The following FGFR2 variants were observed in gnomAD, a reference collection of about 807,000 sequenced individuals.
FGFR2 encodes the protein fibroblast growth factor receptor 2.
FGFR2 carries 19 observed loss-of-function variants against 95.9 expected under a neutral mutation model. The observed-to-expected ratio is 0.20, with a 90% confidence interval of 0.14 to 0.29. FGFR2 has a LOEUF of 0.29. FGFR2 is among the 10% of genes least tolerant of loss of function. The probability of loss-of-function intolerance (pLI) is 1.00; values close to 1 mark genes in which losing one functional copy is unlikely to be tolerated. For synonymous variants in FGFR2, 392 were observed against 393.3 expected (o/e 1.00, Z 0.04); for missense variants, 707 against 1,056.9 (o/e 0.67, Z 4.59).
Position 121,487,419 on chromosome 10 carries a change from C to A in FGFR2, c.1992G>T (p.Arg664=), listed in dbSNP as rs748763422. Reference sequence around the variant, plus strand: ...CTGGAGCCATCCACTTGACTGGAAGCCGCCCCTGCAAATGTAGAGGAAAAT... The same window carrying A: ...CTGGAGCCATCCACTTGACTGGAAGACGCCCCTGCAAATGTAGAGGAAAAT... ...IDYYKKTTNG[R]LPVKWMAPEA... The change falls in exon 15 of 18, where the codon CGG becomes CGT. Residue 664 remains arginine, a synonymous_variant. Transcript: ENST00000358487. The A allele has an allele frequency of 6.2e-7, 1 of 1,614,000 alleles. No homozygotes were observed. The highest frequency in any genetic ancestry group is 8.5e-7 in the Non-Finnish European group (1 of 1,179,876).
In FGFR2 at chr10:121,517,562, G is replaced by T; in HGVS notation, c.940-99C>A. ...AGGCGTCGCACCGGGGGCTTCAGGG[G>T]GTGCTGGCCACTGGGAGATTCCGAC... On this transcript the variant is annotated intron_variant, in intron 7 of 17. Coordinates refer to ENST00000358487, the MANE Select transcript of FGFR2 (RefSeq NM_000141.5). This position sits in a 1 kb window ranked among gnomAD's most constrained non-coding sequence, Gnocchi z 4.7. 4.2e-6 allele frequency: 6 copies of T among 1,428,526 alleles called. No homozygotes were observed. The highest frequency in any genetic ancestry group is 5.9e-6 in the Non-Finnish European group (6 of 1,024,872). The allele number at this position is 1,428,526 out of a possible 1,614,324, so 88.5% of individuals were successfully genotyped here. A position where few individuals can be genotyped will look rare whatever the true frequency, so the allele number is the denominator to read the frequency against.
rs60584824 is a variant in FGFR2, at chr10:121,556,433, C to CTCTCTCTCTCTCTCTCTCTCTCTA, written c.455-4975_455-4974insTAGAGAGAGAGAGAGAGAGAGAGA. The stretch of plus-strand genomic sequence containing the variant: ...TCTCTCTCTCTCTCTCTCTCTCTCT[C>CTCTCTCTCTCTCTCTCTCTCTCTA]TGGAACCAAAAAACAGAGAACACGG... On this transcript the variant is annotated intron_variant, in intron 4 of 17. Coordinates refer to ENST00000358487, the MANE Select transcript of FGFR2 (RefSeq NM_000141.5). Among the ~76,000 whole-genome samples the CTCTCTCTCTCTCTCTCTCTCTCTA allele has an allele frequency of 4.6e-4, 65 of 140,706 alleles. 4 individuals are homozygous for CTCTCTCTCTCTCTCTCTCTCTCTA. The highest frequency in any genetic ancestry group is 1.7e-3 in the African/African-American group (62 of 37,218). 92.3% of individuals were successfully genotyped at this position (140,706 alleles called of 152,430 possible). A position where few individuals can be genotyped will look rare whatever the true frequency, so the allele number is the denominator to read the frequency against.
intron 2 of FGFR2, among the ~76,000 whole-genome samples, chr10:121,573,942 G>A (rs927715736): frequency 7.2e-5 from 11 of 152,142 alleles, no homozygotes; most frequent in African/African-American, 2.4e-4. Context: ...AACACAGTCC[G>A]GCTGCAAATG....
At chr10:121,502,455 C>T (rs1334663178) in intron 10 of FGFR2, among the ~76,000 whole-genome samples, 1 of 152,152 alleles carries the variant, frequency 6.6e-6, no homozygotes, top group Non-Finnish European at 1.5e-5. Context: ...CAAATAATAT[C>T]CATACAATTA....
At chr10:121,526,918 C>CT in intron 6 of FGFR2, 1 of 395,426 alleles carries the variant, frequency 2.5e-6, no homozygotes, top group African/African-American at 2.1e-5. Context: ...CCCACTTCCT[C>CT]TAAAACACAC....
chr10:121,517,152 G>A lies in FGFR2; in HGVS notation c.1084+167C>T. Reference sequence around the variant, plus strand: ...ATGTGAGTGTGGGATCTCACTGTGTGTGAATTTCCAAGGCAGTTTTCTTAT... The same window carrying A: ...ATGTGAGTGTGGGATCTCACTGTGTATGAATTTCCAAGGCAGTTTTCTTAT... On this transcript the variant is annotated intron_variant, in intron 8 of 17. Transcript: ENST00000358487. The surrounding 1 kb of genome is among the most constrained non-coding windows in gnomAD (Gnocchi z 4.7). The A allele has an allele frequency of 1.3e-6, 1 of 749,214 alleles. No individual in the cohort carries two copies. 46.4% of individuals were successfully genotyped at this position (749,214 alleles called of 1,614,324 possible).
Position 121,478,906 on chromosome 10 carries a change from A to C in FGFR2, c.*951T>G, listed in dbSNP as rs763034342. On this transcript the variant is annotated 3_prime_UTR_variant, in exon 18 of 18. Coordinates refer to ENST00000358487, the MANE Select transcript of FGFR2 (RefSeq NM_000141.5). ...CATCTTTTAAGAGGACGCTGGTACCATTTATCTTGGGAAGTCCAGTTAGAC... is the reference window on the plus strand; with the variant it reads ...CATCTTTTAAGAGGACGCTGGTACCCTTTATCTTGGGAAGTCCAGTTAGAC... The C allele has an allele frequency of 2.6e-5, 6 of 233,490 alleles. No homozygotes were observed. The highest frequency in any genetic ancestry group is 4.2e-5 in the Non-Finnish European group (5 of 117,982). The allele number at this position is 233,490 out of a possible 1,614,324, so 14.5% of individuals were successfully genotyped here. A position where few individuals can be genotyped will look rare whatever the true frequency, so the allele number is the denominator to read the frequency against.
chr10:121,528,991 A>G (rs1851745736), intron 6 of FGFR2, among the ~76,000 whole-genome samples: 1 of 152,244 alleles, frequency 6.6e-6, no homozygotes, highest in East Asian at 1.9e-4. Context: ...CAATGGCACA[A>G]TCTCAGCTCA....
chr10:121,505,031 G>A (rs1165783848), intron 9 of FGFR2, among the ~76,000 whole-genome samples: 21 of 152,300 alleles, frequency 1.4e-4, no homozygotes, highest in Admixed American at 8.5e-4. Context: ...TGTCTCCTGC[G>A]TGACTGCCCA....
At position 121,479,743 on chromosome 10, in the gene FGFR2, C is replaced by A. The variant is rs1289038384; in HGVS notation, c.*114G>T. On this transcript the variant is annotated 3_prime_UTR_variant, in exon 18 of 18. Coordinates refer to ENST00000358487, the MANE Select transcript of FGFR2 (RefSeq NM_000141.5). ...CTGATTACTTTTCCAATTATTTACT[C>A]CTCTGATCCATATATACAAGTGGAG... is the stretch of plus-strand genomic sequence containing the variant. 6 of 1,612,522 alleles carry A rather than the reference C, an allele frequency of 3.7e-6. No individual in the cohort carries two copies. Among genetic ancestry groups the A allele is most frequent in the Middle Eastern group, 1.7e-4 (1 of 6,028 alleles).
At chr10:121,560,312 A>T (rs146513954) in intron 4 of FGFR2, among the ~76,000 whole-genome samples, 1 of 152,240 alleles carries the variant, frequency 6.6e-6, no homozygotes, top group African/African-American at 2.4e-5. Context: ...TGCCAGAGCC[A>T]CTGGCCAAAA....
At chr10:121,487,954 C>T (rs1845632523) in intron 14 of FGFR2, 37 bp downstream of exon 14, 5 of 1,613,236 alleles carry the variant, frequency 3.1e-6, no homozygotes, top group Non-Finnish European at 3.4e-6. Context: ...GAGCCTCACC[C>T]CCGCCCCTGC....
intron 4 of FGFR2, among the ~76,000 whole-genome samples, chr10:121,552,019 CAAACA>C (rs546039363): frequency 8.3e-3 from 32 of 3,866 alleles, no homozygotes; most frequent in South Asian, 0.053. Context: ...TACAAACAAA[CAAACA>C]AAAAAAAAAA....
In FGFR2 at chr10:121,596,288, C is replaced by A. The variant is rs557464089; in HGVS notation, c.-151+1674G>T. Among the ~76,000 whole-genome samples the A allele has an allele frequency of 2.6e-5, 4 of 152,328 alleles. No homozygotes were observed. The South Asian group carries it at 8.3e-4, about 32-fold the overall frequency. On this transcript the variant is annotated intron_variant, in intron 1 of 17. Coordinates refer to ENST00000358487, the MANE Select transcript of FGFR2 (RefSeq NM_000141.5). ...GCACAAGCCTGCCCCCAAAGACAGG[C>A]AGAGTGACAAGCAGGAAGGGCTTGG...
chr10:121,498,953 A>C (rs1358432641), intron 11 of FGFR2, among the ~76,000 whole-genome samples: 1 of 152,172 alleles, frequency 6.6e-6, no homozygotes, highest in Non-Finnish European at 1.5e-5. Flanking sequence ...ATGGTGCCTG[A>C]AACCAGCGAG....
At chr10:121,589,733 T>C (rs566204524) in intron 2 of FGFR2, among the ~76,000 whole-genome samples, 1 of 152,232 alleles carries the variant, frequency 6.6e-6, no homozygotes, top group Non-Finnish European at 1.5e-5. Context: ...ATAAAGAATG[T>C]GTACTTCATT....
chr10:121,590,663 G>A (rs1862497496), intron 2 of FGFR2, among the ~76,000 whole-genome samples: 1 of 152,128 alleles, frequency 6.6e-6, no homozygotes, highest in African/African-American at 2.4e-5. Context: ...TATGATATAT[G>A]ATATGACATA....
At chr10:121,571,903 A>T (rs1858828242) in intron 2 of FGFR2, among the ~76,000 whole-genome samples, 1 of 151,822 alleles carries the variant, frequency 6.6e-6, no homozygotes, top group African/African-American at 2.4e-5. Context: ...AGCTCACGCC[A>T]TTGCACTCCA....
intron 2 of FGFR2, among the ~76,000 whole-genome samples, chr10:121,581,720 C>T (rs537362364): frequency 1.3e-5 from 2 of 149,094 alleles, no homozygotes; most frequent in South Asian, 4.3e-4. Context: ...CCACTGCACT[C>T]CAGCCTGGGT....
Sources: allele counts gnomAD v4.1 joint callset (sites outside exome capture counted in the v4.1 genomes callset), GRCh38; gene constraint gnomAD v4.1.1; non-coding constraint Gnocchi (gnomAD v3.1); transcripts MANE v1.5; gene names NCBI Gene and HGNC (gene_info 2026-07-23, HGNC 2026-07-21).